The following DIAPH2 variants were observed in gnomAD, a reference collection of about 807,000 sequenced individuals.
The protein encoded by DIAPH2 is protein diaphanous homolog 2.
A neutral mutation model predicts 92.7 loss-of-function variants in DIAPH2; 35 were observed. The observed-to-expected ratio is 0.38, with a 90% CI of 0.29 to 0.50. The LOEUF is 0.50. Ranked by LOEUF, DIAPH2 falls within the 20% of genes least tolerant of loss-of-function variation. DIAPH2 has a pLI of 0.94. For missense variants in DIAPH2, 701 were observed against 819.5 expected (o/e 0.86, Z 1.77); for synonymous variants, 301 against 280.4 (o/e 1.07, Z -0.73).
At chrX:96,808,264 A>C (rs2064645557) in intron 4 of DIAPH2, among the ~76,000 whole-genome samples, 1 of 110,612 alleles carries the variant, frequency 9.0e-6, no homozygotes, top group African/African-American at 3.3e-5. Context: ...ACTGAAATGA[A>C]GCATAAATGT....
chrX:97,371,056 TTAGAG>T (rs917525929), intron 24 of DIAPH2, among the ~76,000 whole-genome samples: 1 of 111,953 alleles, frequency 8.9e-6, no homozygotes, highest in Non-Finnish European at 1.9e-5. Flanking sequence ...AGCACATCTC[TTAGAG>T]TATTGTTTCC....
chrX:97,209,787 C>CT (rs763091400), intron 22 of DIAPH2, among the ~76,000 whole-genome samples: 14 of 110,504 alleles, frequency 1.3e-4, no homozygotes, highest in Admixed American at 3.9e-4. Flanking sequence ...TTAATTGAGT[C>CT]TATCGGAACT....
intron 26 of DIAPH2, among the ~76,000 whole-genome samples, chrX:97,430,882 G>A (rs2070119526): frequency 8.9e-6 from 1 of 112,031 alleles, no homozygotes. Context: ...ATAACATTCT[G>A]CCTCTGCTAT....
intron 25 of DIAPH2, among the ~76,000 whole-genome samples, chrX:97,401,139 G>C (rs1218533087): frequency 9.0e-6 from 1 of 110,623 alleles, no homozygotes; most frequent in African/African-American, 3.3e-5. Context: ...AAGTATTTGG[G>C]CAGAGCTTCT....
intron 21 of DIAPH2, among the ~76,000 whole-genome samples, chrX:97,135,147 T>C (rs1214480746): frequency 8.9e-6 from 1 of 111,808 alleles, no homozygotes; most frequent in Non-Finnish European, 1.9e-5. Flanking sequence ...AACTAGAGTA[T>C]ATAGAAACCG....
chrX:96,894,608 C>CATCAAGCTGGGGGTA (rs1177890221), intron 5 of DIAPH2, among the ~76,000 whole-genome samples: 1 of 111,526 alleles, frequency 9.0e-6, no homozygotes, highest in Non-Finnish European at 1.9e-5. Flanking sequence ...TGGTGTGGGA[C>CATCAAGCTGGGGGTA]ATCAAGCTGG....
At position 97,247,915 on chromosome X, in the gene DIAPH2, T is replaced by A. The variant is rs2068156011; in HGVS notation, c.2844+76T>A. On this transcript the variant is annotated intron_variant, in intron 23 of 26. Coordinates refer to ENST00000324765, the MANE Select transcript of DIAPH2 (RefSeq NM_006729.5). ...GTCTGTTTACTAACTGTGTGGTTAGTTCTAGATTTACTAGTCTTTTCACAC... is the reference window on the plus strand; with the variant it reads ...GTCTGTTTACTAACTGTGTGGTTAGATCTAGATTTACTAGTCTTTTCACAC... 3 of 956,708 alleles carry A rather than the reference T, an allele frequency of 3.1e-6. No individual in the cohort carries two copies. In the African/African-American group the frequency reaches 5.8e-5, roughly 18 times the overall value. The allele number at this position is 956,708 out of a possible 1,213,427, so 78.8% of individuals were successfully genotyped here. A position where few individuals can be genotyped will look rare whatever the true frequency, so the allele number is the denominator to read the frequency against.
At chrX:97,126,228 GT>G (rs2067093486) in intron 21 of DIAPH2, among the ~76,000 whole-genome samples, 1 of 111,674 alleles carries the variant, frequency 9.0e-6, no homozygotes. Context: ...GTATGAGACT[GT>G]TCCAAAAACA....
intron 26 of DIAPH2, among the ~76,000 whole-genome samples, chrX:97,535,432 A>G (rs935010739): frequency 8.9e-6 from 1 of 112,070 alleles, no homozygotes; most frequent in Admixed American, 9.5e-5. Context: ...AGTATACCAT[A>G]AAATGTTTTT....
intron 22 of DIAPH2, among the ~76,000 whole-genome samples, chrX:97,202,344 C>T (rs1200165274): frequency 1.8e-5 from 2 of 111,242 alleles, no homozygotes; most frequent in African/African-American, 6.5e-5. Context: ...GGCTAAATGC[C>T]GCAATTAAAA....
chrX:97,243,635 G>A (rs1178308007), intron 22 of DIAPH2, among the ~76,000 whole-genome samples: 1 of 111,699 alleles, frequency 9.0e-6, no homozygotes, highest in Non-Finnish European at 1.9e-5. Context: ...TAGAGGGGAA[G>A]AATGGAGGAG....
At chrX:97,050,079 A>G (rs780777664) in intron 17 of DIAPH2, among the ~76,000 whole-genome samples, 8 of 111,168 alleles carry the variant, frequency 7.2e-5, no homozygotes, top group East Asian at 5.6e-4. Context: ...GTGACATTTG[A>G]TGTTTTTCTT....
intron 22 of DIAPH2, among the ~76,000 whole-genome samples, chrX:97,196,734 C>G (rs2147488096): frequency 9.1e-6 from 1 of 109,573 alleles, no homozygotes; most frequent in East Asian, 2.8e-4. Context: ...TGGTACATAT[C>G]TGATTTTCGT....
At chrX:97,447,553 T>C (rs756515890) in intron 26 of DIAPH2, among the ~76,000 whole-genome samples, 3 of 111,553 alleles carry the variant, frequency 2.7e-5, no homozygotes, top group Non-Finnish European at 5.6e-5. Context: ...TGAATAATTA[T>C]AAATCAAACC....
intron 17 of DIAPH2, among the ~76,000 whole-genome samples, chrX:96,968,527 T>C (rs1421774053): frequency 8.9e-6 from 1 of 112,037 alleles, no homozygotes; most frequent in East Asian, 2.8e-4. Context: ...CCCATATGTC[T>C]TCTTTTGAGA....
At chrX:97,198,884 T>C (rs954025924) in intron 22 of DIAPH2, among the ~76,000 whole-genome samples, 3 of 111,739 alleles carry the variant, frequency 2.7e-5, no homozygotes, top group Non-Finnish European at 5.6e-5. Context: ...GACAGCATTA[T>C]ACTTTGTTAA....
At chrX:97,593,655 T>C (rs998064934) in intron 26 of DIAPH2, among the ~76,000 whole-genome samples, 115 of 111,450 alleles carry the variant, frequency 1.0e-3, no homozygotes, top group African/African-American at 3.5e-3. Context: ...CATATATTCC[T>C]AAAAACCTAC....
chrX:97,320,488 C>T (rs186643373), intron 23 of DIAPH2, among the ~76,000 whole-genome samples: 1,268 of 110,613 alleles, frequency 0.011, 20 homozygotes, highest in African/African-American at 0.04. Context: ...CCGAGGCGGG[C>T]GGATCACCTG....
chrX:97,241,321 C>T (rs1019238718), intron 22 of DIAPH2, among the ~76,000 whole-genome samples: 14 of 107,932 alleles, frequency 1.3e-4, no homozygotes, highest in African/African-American at 4.8e-4. Flanking sequence ...TTTCCCGAGA[C>T]GGAGTCTCGC....
Sources: gnomAD v4.1 joint callset for allele counts (sites outside exome capture counted in the v4.1 genomes callset) on GRCh38, gnomAD v4.1.1 for gene constraint, MANE v1.5 for transcripts, NCBI Gene and HGNC (gene_info 2026-07-23, HGNC 2026-07-21) for gene names.